The following DGKB variants were observed in gnomAD, a reference collection of about 807,000 sequenced individuals.
The protein encoded by DGKB is diacylglycerol kinase beta, also known as 90 kDa diacylglycerol kinase.
In DGKB, 67 loss-of-function variants were observed where a neutral mutation model predicts 114.3. The observed-to-expected ratio is 0.59, with a 90% CI of 0.48 to 0.72. DGKB has a LOEUF of 0.72. DGKB is among the 30% of genes least tolerant of loss of function. DGKB has a pLI of 0.00. For synonymous variants in DGKB, 398 were observed against 323.1 expected (o/e 1.23, Z -2.49); for missense variants, 907 against 975.2 (o/e 0.93, Z 0.93).
At chr7:14,490,649 G>C (rs925624325) in intron 20 of DGKB, among the ~76,000 whole-genome samples, 3 of 152,126 alleles carry the variant, frequency 2.0e-5, no homozygotes, top group Admixed American at 6.6e-5. Flanking sequence ...TACTGGCTTT[G>C]AACTAACTTC....
chr7:14,860,188 T>C (rs1207367729), intron 1 of DGKB, among the ~76,000 whole-genome samples: 1 of 152,092 alleles, frequency 6.6e-6, no homozygotes, highest in Non-Finnish European at 1.5e-5. Flanking sequence ...CAGCATAATA[T>C]AAACTTAAAA....
At chr7:14,235,009 A>C (rs991493667) in intron 23 of DGKB, among the ~76,000 whole-genome samples, 1 of 152,082 alleles carries the variant, frequency 6.6e-6, no homozygotes, top group African/African-American at 2.4e-5. Flanking sequence ...TCAACAAAAA[A>C]GTAACTTGGA....
rs573238802 is a variant in DGKB, at chr7:14,168,186, G to A, written c.2304+8653C>T. ...TGAACAACATAAAAAATAACTGAAA[G>A]GACTCAACAACAGAATGGAGATAAA... is the stretch of plus-strand genomic sequence containing the variant. On this transcript the variant is annotated intron_variant, in intron 25 of 25. Coordinates refer to ENST00000402815, the MANE Select transcript of DGKB (RefSeq NM_001350709.2). Among the ~76,000 whole-genome samples the A allele has an allele frequency of 1.4e-4, 22 of 152,032 alleles. No homozygotes were observed. In the South Asian group the frequency reaches 4.4e-3, roughly 30 times the overall value.
intron 15 of DGKB, among the ~76,000 whole-genome samples, chr7:14,618,287 GATAAA>G (rs1396299850): frequency 1.3e-5 from 2 of 151,480 alleles, no homozygotes; most frequent in African/African-American, 2.4e-5. Context: ...AAATAAGGAA[GATAAA>G]ATAAAGAGGC....
At chr7:14,341,565 G>A (rs893076802) in intron 22 of DGKB, among the ~76,000 whole-genome samples, 5 of 151,840 alleles carry the variant, frequency 3.3e-5, no homozygotes, top group Non-Finnish European at 7.4e-5. Context: ...AAAAAAGGTC[G>A]TTAACATATA....
chr7:14,337,284 T>G (rs190100397), intron 23 of DGKB, among the ~76,000 whole-genome samples: 1 of 152,144 alleles, frequency 6.6e-6, no homozygotes, highest in Non-Finnish European at 1.5e-5. Context: ...TATATATTTC[T>G]CCTTCAAAAT....
At chr7:14,491,415 T>C (rs1458796160) in intron 20 of DGKB, among the ~76,000 whole-genome samples, 1 of 152,068 alleles carries the variant, frequency 6.6e-6, no homozygotes, top group East Asian at 1.9e-4. Flanking sequence ...TTAAATCTCT[T>C]TTTCTTTATA....
chr7:14,294,305 A>T (rs375490118), intron 23 of DGKB, among the ~76,000 whole-genome samples: 2 of 152,170 alleles, frequency 1.3e-5, no homozygotes, highest in African/African-American at 4.8e-5. Context: ...ACTATGTAAC[A>T]TAATGTATTC....
At chr7:14,227,844 A>G (rs1335051187) in intron 23 of DGKB, among the ~76,000 whole-genome samples, 1 of 152,096 alleles carries the variant, frequency 6.6e-6, no homozygotes, top group Non-Finnish European at 1.5e-5. Context: ...ATTCTCTTTT[A>G]TCTCTTGCAT....
At chr7:14,365,671 C>A (rs555748467) in intron 21 of DGKB, among the ~76,000 whole-genome samples, 3 of 152,166 alleles carry the variant, frequency 2.0e-5, no homozygotes, top group Non-Finnish European at 2.9e-5. Context: ...AACCTAAGTT[C>A]TATACCATGC....
At chr7:14,335,706 TACTC>T (rs1458041532) in intron 23 of DGKB, among the ~76,000 whole-genome samples, 26 of 152,194 alleles carry the variant, frequency 1.7e-4, no homozygotes, top group African/African-American at 6.0e-4. Context: ...AAATTTGAAA[TACTC>T]ACATTTAATA....
At chr7:14,214,460 TGAAAA>T (rs1221180955) in intron 23 of DGKB, among the ~76,000 whole-genome samples, 49 of 152,212 alleles carry the variant, frequency 3.2e-4, no homozygotes, top group African/African-American at 1.2e-3. Context: ...TAAACTGCAA[TGAAAA>T]GAAAAGAAAA....
intron 21 of DGKB, among the ~76,000 whole-genome samples, chr7:14,436,837 G>A (rs555110952): frequency 6.6e-6 from 1 of 152,094 alleles, no homozygotes; most frequent in East Asian, 1.9e-4. Context: ...ATTATTAAAA[G>A]TACTGGAACC....
chr7:14,929,266 A>T (rs1275277516), intron 1 of DGKB, among the ~76,000 whole-genome samples: 5 of 152,056 alleles, frequency 3.3e-5, no homozygotes, highest in Admixed American at 2.6e-4. Context: ...GGATTGTTGA[A>T]TAAATTGGGA....
chr7:14,352,297 T>G (rs966859319), intron 21 of DGKB, among the ~76,000 whole-genome samples: 1 of 152,134 alleles, frequency 6.6e-6, no homozygotes, highest in Non-Finnish European at 1.5e-5. Flanking sequence ...GATCAAATAT[T>G]TTAGTTTTTA....
At chr7:14,934,711 G>C (rs1034124703) in intron 1 of DGKB, among the ~76,000 whole-genome samples, 4 of 152,084 alleles carry the variant, frequency 2.6e-5, no homozygotes, top group African/African-American at 9.7e-5. Flanking sequence ...ATGCAAAGAA[G>C]GGTATATTTA....
chr7:14,213,793 G>T (rs117938876), intron 23 of DGKB, among the ~76,000 whole-genome samples: 1 of 152,202 alleles, frequency 6.6e-6, no homozygotes, highest in African/African-American at 2.4e-5. Context: ...CTGTGGTGAC[G>T]GTGATACAGT....
chr7:14,262,944 C>CA (rs1200410974), intron 23 of DGKB, among the ~76,000 whole-genome samples: 1 of 151,912 alleles, frequency 6.6e-6, no homozygotes, highest in Admixed American at 6.6e-5. Flanking sequence ...ACAATTCTCC[C>CA]ATTACACATC....
chr7:14,263,965 A>T lies in DGKB; in HGVS notation c.2122+74550T>A, dbSNP rs4721315. 4.6e-5 allele frequency among the ~76,000 whole-genome samples: 7 copies of T among 151,970 alleles called. No homozygotes were observed. The East Asian group carries it at 1.2e-3, about 25-fold the overall frequency. ...GCAGAGTCCTGGCATTTAGAAAAAA[A>T]TCTTTTGCGGAAATATCAAGATTTT... On this transcript the variant is annotated intron_variant, in intron 23 of 25. Coordinates refer to ENST00000402815, the MANE Select transcript of DGKB (RefSeq NM_001350709.2).
Sources: gnomAD v4.1 joint callset for allele counts (sites outside exome capture counted in the v4.1 genomes callset) on GRCh38, gnomAD v4.1.1 for gene constraint, MANE v1.5 for transcripts, NCBI Gene and HGNC (gene_info 2026-07-23, HGNC 2026-07-21) for gene names.